OSTC: variants seen among roughly 807,000 people sequenced by gnomAD.
OSTC encodes the protein oligosaccharyltransferase complex non-catalytic subunit, also known as oligosaccharyltransferase complex subunit OSTC.
In OSTC, 16 loss-of-function variants were observed where a neutral mutation model predicts 16.4. That is an observed-to-expected ratio of 0.98 (90% CI 0.66 to 1.49). The LOEUF (loss-of-function observed/expected upper bound fraction) is 1.49, where lower values mean the gene tolerates loss of function less well. OSTC is among the 40% of genes most tolerant of loss of function. The pLI is 0.00. For synonymous variants in OSTC, 67 were observed against 68.5 expected, an observed-to-expected ratio of 0.98 and a Z score of 0.11; for missense variants, 139 against 186.3, an observed-to-expected ratio of 0.75 and a Z score of 1.48.
chr4:108,664,044 ATTTTAT>A (rs1384087554), intron 3 of OSTC, among the ~76,000 whole-genome samples: 1 of 152,158 alleles, frequency 6.6e-6, no homozygotes, highest in African/African-American at 2.4e-5. Flanking sequence ...TATTTCAACA[ATTTTAT>A]TTTTATTTCT....
chr4:108,653,330 G>A (rs1357913059), intron 1 of OSTC, among the ~76,000 whole-genome samples: 1 of 152,208 alleles, frequency 6.6e-6, no homozygotes, highest in Non-Finnish European at 1.5e-5. Context: ...ATCTGGATTG[G>A]ATTCGATATG....
Position 108,652,425 on chromosome 4 carries a change from G to T in OSTC, c.139+1631G>T, listed in dbSNP as rs560732595. 3.9e-5 allele frequency among the ~76,000 whole-genome samples: 6 copies of T among 152,146 alleles called. No homozygotes were observed. The East Asian group carries it at 1.2e-3, about 29-fold the overall frequency. ...TTTTTCTCCTGTTGATTATTGTAATGGGGAGATTCTTTGTCCCAACCATTG... is the reference window on the plus strand; with the variant it reads ...TTTTTCTCCTGTTGATTATTGTAATTGGGAGATTCTTTGTCCCAACCATTG... On this transcript the variant is annotated intron_variant, in intron 1 of 3. Transcript: ENST00000361564.
rs145618642 is a variant in OSTC, at chr4:108,652,426, G to A, written c.139+1632G>A. Among the ~76,000 whole-genome samples, 1,068 of 152,134 alleles carry A rather than the reference G, an allele frequency of 7.0e-3. 2 individuals carry two copies. The highest frequency in any genetic ancestry group is 0.011 in the Non-Finnish European group (758 of 68,010). ...TTTTCTCCTGTTGATTATTGTAATGGGGAGATTCTTTGTCCCAACCATTGG... is the reference window on the plus strand; with the variant it reads ...TTTTCTCCTGTTGATTATTGTAATGAGGAGATTCTTTGTCCCAACCATTGG... On this transcript the variant is annotated intron_variant, in intron 1 of 3. Transcript: ENST00000361564.
At chr4:108,651,729 T>C (rs1726555504) in intron 1 of OSTC, among the ~76,000 whole-genome samples, 1 of 152,210 alleles carries the variant, frequency 6.6e-6, no homozygotes, top group Admixed American at 6.5e-5. Flanking sequence ...ACCTGGAAAT[T>C]ATAAAATTAA....
chr4:108,656,495 A>G (rs1341052628), intron 2 of OSTC, among the ~76,000 whole-genome samples: 1 of 151,762 alleles, frequency 6.6e-6, no homozygotes, highest in Non-Finnish European at 1.5e-5. Flanking sequence ...ACATATGCCT[A>G]TGTATAATCA....
chr4:108,664,086 GTTC>G (rs1216390070), intron 3 of OSTC, among the ~76,000 whole-genome samples: 10 of 150,156 alleles, frequency 6.7e-5, no homozygotes, highest in Admixed American at 2.0e-4. Flanking sequence ...TAATGTATTT[GTTC>G]TTCTTTTCTT....
intron 1 of OSTC, among the ~76,000 whole-genome samples, chr4:108,654,527 A>G (rs1726647048): frequency 6.6e-6 from 1 of 152,216 alleles, no homozygotes. Flanking sequence ...GTAGCTGGAA[A>G]GAAGGAGGTG....
intron 2 of OSTC, 122 bp from the exon 3 acceptor site, chr4:108,657,328 T>G (rs1233031553): frequency 3.7e-6 from 3 of 807,118 alleles, no homozygotes; most frequent in East Asian, 5.3e-5. Context: ...AAAATAGTTG[T>G]AAGGCTAAGA....
In OSTC at chr4:108,655,631, G is replaced by C. The variant is rs768961998; in HGVS notation, c.207G>C (p.Gln69His). 6.0e-5 allele frequency: 97 copies of C among 1,608,298 alleles called. No individual in the cohort carries two copies. Among genetic ancestry groups the C allele is most frequent in the Non-Finnish European group, 8.2e-5 (96 of 1,175,170 alleles). The change falls in exon 2 of 4, where the codon CAG becomes CAC. Residue 69 changes from glutamine (Q) to histidine (H), a missense_variant. Physicochemically the swap from Gln to His is conservative, Grantham distance 24. Coordinates refer to ENST00000361564, the MANE Select transcript of OSTC (RefSeq NM_021227.4). ...CTATGACTGATGAACATGGGCATCA[G>C]AGGCCAGTAGCTTTCTTGGCCTACA... The part of the protein sequence containing the change: ...VGSMTDEHGH[Q>H]RPVAFLAYRV...
At position 108,657,539 on chromosome 4, in the gene OSTC, A is replaced by G; in HGVS notation, c.323A>G (p.Asn108Ser). ...GGTTTCATAATCCTGGACCGATCGA[A>G]TGCACCAAATATCCCAAAACTCAAT... is the stretch of plus-strand genomic sequence containing the variant. The part of the protein sequence containing the change: ...GLGFIILDRS[N>S]APNIPKLNRF... The change falls in exon 3 of 4, where the codon AAT becomes AGT. Residue 108 changes from asparagine (N) to serine (S), a missense_variant. By Grantham distance (46) the Asn-to-Ser change is conservative (BLOSUM62 1). Coordinates refer to ENST00000361564, the MANE Select transcript of OSTC (RefSeq NM_021227.4). 3 of 1,613,686 alleles carry G rather than the reference A, an allele frequency of 1.9e-6. No homozygotes were observed. The South Asian group carries it at 3.3e-5, about 18-fold the overall frequency.
chr4:108,652,428 G>A (rs978531064), intron 1 of OSTC, among the ~76,000 whole-genome samples: 5 of 152,064 alleles, frequency 3.3e-5, no homozygotes, highest in South Asian at 2.1e-4. Context: ...TTGTAATGGG[G>A]AGATTCTTTG....
chr4:108,661,287 AG>A (rs1726851615), intron 3 of OSTC, among the ~76,000 whole-genome samples: 1 of 152,078 alleles, frequency 6.6e-6, no homozygotes, highest in African/African-American at 2.4e-5. Flanking sequence ...TACATTTAAA[AG>A]GAAAAAATTA....
intron 3 of OSTC, among the ~76,000 whole-genome samples, chr4:108,666,555 G>T (rs1000054461): frequency 3.3e-5 from 5 of 151,678 alleles, no homozygotes; most frequent in Non-Finnish European, 5.9e-5. Flanking sequence ...ACTAAAAATA[G>T]AAAAAGTTAG....
intron 3 of OSTC, 105 bp downstream of exon 3, chr4:108,657,752 T>A: frequency 9.4e-7 from 1 of 1,060,450 alleles, no homozygotes; most frequent in Non-Finnish European, 1.3e-6. Context: ...TTTACATGGG[T>A]GAAAAATCCA....
At chr4:108,660,242 G>C (rs1487125263) in intron 3 of OSTC, among the ~76,000 whole-genome samples, 1 of 152,162 alleles carries the variant, frequency 6.6e-6, no homozygotes, top group African/African-American at 2.4e-5. Flanking sequence ...CAGGACAGTG[G>C]TCCAAACAGA....
intron 3 of OSTC, among the ~76,000 whole-genome samples, chr4:108,664,705 T>G (rs1726950593): frequency 6.6e-6 from 1 of 152,016 alleles, no homozygotes; most frequent in Non-Finnish European, 1.5e-5. Flanking sequence ...GTGATTCTCC[T>G]GCCTCGGCGT....
At chr4:108,651,840 G>C (rs933465520) in intron 1 of OSTC, among the ~76,000 whole-genome samples, 2 of 152,140 alleles carry the variant, frequency 1.3e-5, no homozygotes, top group Non-Finnish European at 2.9e-5. Context: ...GGCACTGAAG[G>C]GGGAGGATTC....
intron 1 of OSTC, among the ~76,000 whole-genome samples, chr4:108,653,465 T>TA (rs1230598524): frequency 6.6e-6 from 1 of 152,156 alleles, no homozygotes; most frequent in Non-Finnish European, 1.5e-5. Flanking sequence ...GTAGTTGACT[T>TA]AGACTATACA....
Position 108,662,839 on chromosome 4 carries a change from G to A in OSTC, c.432-4408G>A, listed in dbSNP as rs185454356. Among the ~76,000 whole-genome samples, 4 of 152,282 alleles carry A rather than the reference G, an allele frequency of 2.6e-5. No individual in the cohort carries two copies. In the East Asian group the frequency reaches 5.8e-4, roughly 22 times the overall value. On this transcript the variant is annotated intron_variant, in intron 3 of 3. Transcript: ENST00000361564. ...CAGCGACTAAAAAGCTGATATCCGA[G>A]GTTCATTTTTAGCAAATAAGGGACG...
Sources: gnomAD v4.1 joint callset for allele counts (sites outside exome capture counted in the v4.1 genomes callset) on GRCh38, gnomAD v4.1.1 for gene constraint, MANE v1.5 for transcripts, NCBI Gene and HGNC (gene_info 2026-07-23, HGNC 2026-07-21) for gene names.